The following DACH2 variants were observed in gnomAD, a reference collection of about 807,000 sequenced individuals.
The protein encoded by DACH2 is dachshund family transcription factor 2.
Under a neutral mutation model 35.8 loss-of-function variants are expected in DACH2, and 17 were observed. That is an observed-to-expected ratio of 0.48 (90% CI 0.33 to 0.71). DACH2 has a LOEUF of 0.71. Ranked by LOEUF, DACH2 falls within the 30% of genes least tolerant of loss-of-function variation. The pLI, the probability that DACH2 is intolerant of heterozygous loss-of-function variation, is 0.02. For synonymous variants in DACH2, 195 were observed against 177.3 expected (o/e 1.10, Z -0.79); for missense variants, 469 against 472.7 (o/e 0.99, Z 0.07).
intron 1 of DACH2, among the ~76,000 whole-genome samples, chrX:86,172,245 A>G (rs997211468): frequency 8.9e-5 from 10 of 112,089 alleles, no homozygotes; most frequent in Non-Finnish European, 1.9e-4. Flanking sequence ...TGTTTTTATA[A>G]TTTTGTGGTG....
chrX:86,288,620 T>A (rs1273471833), intron 1 of DACH2, among the ~76,000 whole-genome samples: 1 of 112,024 alleles, frequency 8.9e-6, no homozygotes, highest in Non-Finnish European at 1.9e-5. Context: ...CTTTTCACTC[T>A]TCCCTCCCTT....
chrX:86,401,873 G>T (rs1262441049), intron 2 of DACH2, among the ~76,000 whole-genome samples: 1 of 111,482 alleles, frequency 9.0e-6, no homozygotes, highest in African/African-American at 3.3e-5. Context: ...ATGCAATGTT[G>T]GTTCAACATA....
intron 3 of DACH2, among the ~76,000 whole-genome samples, chrX:86,647,716 G>A (rs1261938813): frequency 9.0e-6 from 1 of 110,558 alleles, no homozygotes; most frequent in Non-Finnish European, 1.9e-5. Flanking sequence ...AATATATAAA[G>A]TGGACAGGCA....
chrX:86,667,482 G>A (rs28743012), intron 4 of DACH2, among the ~76,000 whole-genome samples: 1 of 86,666 alleles, frequency 1.2e-5, no homozygotes, highest in African/African-American at 4.3e-5. Context: ...AAAGAAAGAA[G>A]GAAGGAAAGA....
At chrX:86,511,968 C>A (rs1569424933) in intron 2 of DACH2, among the ~76,000 whole-genome samples, 1 of 111,730 alleles carries the variant, frequency 9.0e-6, no homozygotes, top group Admixed American at 9.5e-5. Flanking sequence ...TCAAAGAGAC[C>A]AGAGTAATTG....
At chrX:86,563,908 A>G (rs1276977037) in intron 3 of DACH2, among the ~76,000 whole-genome samples, 2 of 111,342 alleles carry the variant, frequency 1.8e-5, no homozygotes, top group Admixed American at 9.6e-5. Context: ...TTTATTGATT[A>G]TACAAATACA....
chrX:86,328,773 C>CT (rs1489656273), intron 1 of DACH2, among the ~76,000 whole-genome samples: 1 of 111,275 alleles, frequency 9.0e-6, no homozygotes, highest in Non-Finnish European at 1.9e-5. Flanking sequence ...GAGTATAAGC[C>CT]TTTTTTCTTG....
intron 1 of DACH2, among the ~76,000 whole-genome samples, chrX:86,163,105 G>A (rs1010394529): frequency 1.2e-4 from 13 of 110,822 alleles, no homozygotes; most frequent in African/African-American, 3.6e-4. Flanking sequence ...ATTGACTCTA[G>A]TCACCCTATT....
At chrX:86,634,332 A>G (rs941051433) in intron 3 of DACH2, among the ~76,000 whole-genome samples, 1 of 111,469 alleles carries the variant, frequency 9.0e-6, no homozygotes, top group African/African-American at 3.3e-5. Context: ...TAACAAACTT[A>G]CAGCCAACAA....
At chrX:86,418,703 C>G (rs1234173439) in intron 2 of DACH2, among the ~76,000 whole-genome samples, 1 of 111,310 alleles carries the variant, frequency 9.0e-6, no homozygotes, top group East Asian at 2.8e-4. Flanking sequence ...GTGAAAACCT[C>G]TGACATGCCC....
intron 1 of DACH2, among the ~76,000 whole-genome samples, chrX:86,296,862 A>G (rs186708688): frequency 1.2e-3 from 131 of 110,196 alleles, no homozygotes; most frequent in African/African-American, 4.1e-3. Context: ...AAAACATAAA[A>G]TAATACACAT....
intron 4 of DACH2, among the ~76,000 whole-genome samples, chrX:86,683,671 G>A (rs937035123): frequency 4.5e-5 from 5 of 111,158 alleles, no homozygotes; most frequent in South Asian, 3.8e-4. Context: ...TCACCCTATA[G>A]ACAAGTTAAT....
rs185460059 is a variant in DACH2 at position 86,581,285 on chromosome X, T to C, written c.640+66894T>C. 4.1e-4 allele frequency among the ~76,000 whole-genome samples: 46 copies of C among 111,680 alleles called. 1 individual carries two copies. In the Admixed American group the frequency reaches 4.4e-3, roughly 11 times the overall value. On this transcript the variant is annotated intron_variant, in intron 3 of 11. Transcript: ENST00000373125. ...CACCTCAAAAACACACCTGAGTACATAGATCATTGACACTATACAGCAATC... is the reference window on the plus strand; with the variant it reads ...CACCTCAAAAACACACCTGAGTACACAGATCATTGACACTATACAGCAATC...
chrX:86,245,316 A>G (rs1217661976), intron 1 of DACH2, among the ~76,000 whole-genome samples: 3 of 111,474 alleles, frequency 2.7e-5, no homozygotes, highest in African/African-American at 9.8e-5. Context: ...CCACCCTGAC[A>G]CCACCTATGC....
rs185924541 is a variant in DACH2 at position 86,428,067 on chromosome X, C to T, written c.527+51205C>T. ...ATACTTAAAAGTTAGACTACCTGTC[C>T]TATTTAAAAATTCTAATGGAATTTA... On this transcript the variant is annotated intron_variant, in intron 2 of 11. Coordinates refer to ENST00000373125, the MANE Select transcript of DACH2 (RefSeq NM_053281.3). 4.5e-5 allele frequency among the ~76,000 whole-genome samples: 5 copies of T among 111,489 alleles called. No individual in the cohort carries two copies. The East Asian group carries it at 1.4e-3, about 32-fold the overall frequency.
intron 1 of DACH2, among the ~76,000 whole-genome samples, chrX:86,262,348 G>T (rs760685835): frequency 1.8e-4 from 20 of 111,568 alleles, no homozygotes; most frequent in Admixed American, 9.5e-5. Flanking sequence ...ACAGGAGAGG[G>T]TGCTGAAACT....
chrX:86,423,136 T>C (rs73631940), intron 2 of DACH2, among the ~76,000 whole-genome samples: 1,277 of 111,285 alleles, frequency 0.011, 18 homozygotes, highest in African/African-American at 0.039. Flanking sequence ...AACACAGGAG[T>C]GCAAATATCT....
At chrX:86,324,676 T>C (rs936352203) in intron 1 of DACH2, among the ~76,000 whole-genome samples, 5 of 99,940 alleles carry the variant, frequency 5.0e-5, no homozygotes, top group Non-Finnish European at 5.9e-5. Flanking sequence ...CCTCCCGGGT[T>C]CACACCATTC....
chrX:86,703,419 A>G (rs1027879425), intron 5 of DACH2, among the ~76,000 whole-genome samples: 2 of 111,493 alleles, frequency 1.8e-5, no homozygotes, highest in Non-Finnish European at 3.8e-5. Flanking sequence ...AGTCCTAGCC[A>G]GAACAATCAG....
Sources: gnomAD v4.1 joint callset for allele counts (sites outside exome capture counted in the v4.1 genomes callset) on GRCh38, gnomAD v4.1.1 for gene constraint, MANE v1.5 for transcripts, NCBI Gene and HGNC (gene_info 2026-07-23, HGNC 2026-07-21) for gene names.